The following CAMSAP2 variants were observed in gnomAD, a reference collection of about 807,000 sequenced individuals.
CAMSAP2 encodes the protein calmodulin regulated spectrin associated protein family member 2.
CAMSAP2 carries 26 observed loss-of-function variants against 146.1 expected under a neutral mutation model. That is an observed-to-expected ratio of 0.18 (90% confidence interval 0.13 to 0.25). The LOEUF is 0.25. Ranked by LOEUF, CAMSAP2 falls within the 10% of genes least tolerant of loss-of-function variation. CAMSAP2 has a pLI of 1.00. For missense variants in CAMSAP2, 1,381 were observed against 1,759.3 expected (o/e 0.78, Z 3.85); for synonymous variants, 499 against 596.6 (o/e 0.84, Z 2.38).
intron 1 of CAMSAP2, among the ~76,000 whole-genome samples, chr1:200,753,052 T>C (rs1664552688): frequency 6.6e-6 from 1 of 151,790 alleles, no homozygotes; most frequent in Non-Finnish European, 1.5e-5. Context: ...CCCAGCACTT[T>C]GGAAGATTGA....
At chr1:200,817,205 C>T (rs183749770) in intron 4 of CAMSAP2, among the ~76,000 whole-genome samples, 164 of 91,024 alleles carry the variant, frequency 1.8e-3, no homozygotes, top group South Asian at 6.3e-3. Context: ...TGTGTGTATA[C>T]ACACATACAC....
At chr1:200,801,845 A>G (rs946962948) in intron 2 of CAMSAP2, among the ~76,000 whole-genome samples, 1 of 152,168 alleles carries the variant, frequency 6.6e-6, no homozygotes, top group African/African-American at 2.4e-5. Context: ...TTTCTTTTTC[A>G]TAATCTCTTT....
At chr1:200,838,678 A>G (rs1420826019) in intron 6 of CAMSAP2, among the ~76,000 whole-genome samples, 1 of 152,234 alleles carries the variant, frequency 6.6e-6, no homozygotes, top group Admixed American at 6.5e-5. Flanking sequence ...GGACTGTACC[A>G]AGTAGCCTCT....
chr1:200,841,261 G>A (rs1328789812), intron 6 of CAMSAP2, among the ~76,000 whole-genome samples: 2 of 152,000 alleles, frequency 1.3e-5, no homozygotes, highest in Non-Finnish European at 2.9e-5. Flanking sequence ...AACTTTTTTT[G>A]TTTAAGACGG....
At chr1:200,769,315 A>G (rs1320994847) in intron 2 of CAMSAP2, among the ~76,000 whole-genome samples, 1 of 152,232 alleles carries the variant, frequency 6.6e-6, no homozygotes, top group African/African-American at 2.4e-5. Context: ...GATGAGAAAG[A>G]TAAAGGCTGT....
At chr1:200,840,606 A>G (rs1667301743) in intron 6 of CAMSAP2, among the ~76,000 whole-genome samples, 1 of 152,150 alleles carries the variant, frequency 6.6e-6, no homozygotes, top group African/African-American at 2.4e-5. Flanking sequence ...TTCCAGAACT[A>G]TCAGATGAGA....
chr1:200,811,309 A>G (rs973687289), intron 3 of CAMSAP2, among the ~76,000 whole-genome samples: 1 of 152,146 alleles, frequency 6.6e-6, no homozygotes, highest in Non-Finnish European at 1.5e-5. Flanking sequence ...ACACATGCAC[A>G]GTCCAGGGCT....
At chr1:200,758,111 A>G (rs1262641742) in intron 1 of CAMSAP2, among the ~76,000 whole-genome samples, 1 of 152,212 alleles carries the variant, frequency 6.6e-6, no homozygotes, top group Non-Finnish European at 1.5e-5. Context: ...GACAGAATGC[A>G]TGTTTAGGAC....
chr1:200,770,977 C>G (rs1665100369), intron 2 of CAMSAP2, among the ~76,000 whole-genome samples: 1 of 152,136 alleles, frequency 6.6e-6, no homozygotes, highest in Non-Finnish European at 1.5e-5. Context: ...TTACTTCTAA[C>G]CCAGTGCTTA....
intron 2 of CAMSAP2, among the ~76,000 whole-genome samples, chr1:200,772,082 T>C (rs1665132120): frequency 6.6e-6 from 1 of 152,174 alleles, no homozygotes; most frequent in South Asian, 2.1e-4. Context: ...ATCCTAGCAA[T>C]CATCTGGTCT....
At chr1:200,814,151 T>TGGGCGGGG (rs1558189042) in intron 3 of CAMSAP2, among the ~76,000 whole-genome samples, 34 of 8,958 alleles carry the variant, frequency 3.8e-3, no homozygotes, top group Admixed American at 7.2e-3. Context: ...GGTGGGCGGG[T>TGGGCGGGG]GGGGAATGAA....
intron 4 of CAMSAP2, among the ~76,000 whole-genome samples, chr1:200,825,078 G>T (rs1431654718): frequency 1.3e-5 from 2 of 152,150 alleles, no homozygotes; most frequent in African/African-American, 2.4e-5. Flanking sequence ...TCAAAGTACA[G>T]TGTTCTTAAG....
intron 2 of CAMSAP2, among the ~76,000 whole-genome samples, chr1:200,763,496 G>A (rs1392319942): frequency 6.6e-6 from 1 of 152,076 alleles, no homozygotes; most frequent in African/African-American, 2.4e-5. Context: ...CCGAGATTCC[G>A]CTACTGCACT....
rs1667421584 is a variant in CAMSAP2 at position 200,844,899 on chromosome 1, A to G, written c.1109+30A>G. On this transcript the variant is annotated intron_variant, in intron 8 of 16. Transcript: ENST00000358823. ...ACTCCACAATGACTTTATTTTCACC[A>G]TTTCTATTCTATTTACTAATTAAAT... 5.9e-6 allele frequency: 7 copies of G among 1,183,822 alleles called. No homozygotes were observed. In the East Asian group the frequency reaches 1.7e-4, roughly 29 times the overall value. 73.3% of individuals were successfully genotyped at this position (1,183,822 alleles called of 1,614,324 possible).
chr1:200,766,734 AT>A (rs1181871031), intron 2 of CAMSAP2, among the ~76,000 whole-genome samples: 1 of 152,060 alleles, frequency 6.6e-6, no homozygotes, highest in Non-Finnish European at 1.5e-5. Flanking sequence ...ACTAAATTGT[AT>A]TTTCGTCTTT....
In CAMSAP2 at chr1:200,852,564, T is replaced by C. The variant is rs1667648487; in HGVS notation, c.3489T>C (p.Asp1163=). Reference sequence around the variant, plus strand: ...AGGATGATCAAAAAGCAGAAAATGATATGGCAATGAAACGGGCAGCTTTGT... The same window carrying C: ...AGGATGATCAAAAAGCAGAAAATGACATGGCAATGAAACGGGCAGCTTTGT... ...FFKDDQKAEN[D]MAMKRAALLE... is the part of the protein sequence containing the mutation. The change falls in exon 12 of 17, where the codon GAT becomes GAC. Residue 1163 remains aspartate (D), a synonymous_variant. Transcript: ENST00000358823. The C allele has an allele frequency of 6.2e-7, 1 of 1,613,024 alleles. No individual in the cohort carries two copies. The highest frequency in any genetic ancestry group is 8.5e-7 in the Non-Finnish European group (1 of 1,179,762).
intron 7 of CAMSAP2, among the ~76,000 whole-genome samples, chr1:200,844,193 T>C (rs1667401710): frequency 1.3e-5 from 2 of 151,608 alleles, no homozygotes; most frequent in Admixed American, 1.3e-4. Flanking sequence ...TTTAAATACA[T>C]GTATTTATTT....
chr1:200,747,772 A>T (rs1664377601), intron 1 of CAMSAP2, among the ~76,000 whole-genome samples: 1 of 152,150 alleles, frequency 6.6e-6, no homozygotes, highest in East Asian at 1.9e-4. Flanking sequence ...GCACTCTGGG[A>T]GGCCGAGGCA....
intron 2 of CAMSAP2, among the ~76,000 whole-genome samples, chr1:200,797,279 T>C (rs1285840764): frequency 1.3e-5 from 2 of 150,722 alleles, no homozygotes; most frequent in Non-Finnish European, 3.0e-5. Context: ...TAGTTTACAG[T>C]CCCACCAACA....
Sources: allele counts gnomAD v4.1 joint callset (sites outside exome capture counted in the v4.1 genomes callset), GRCh38; gene constraint gnomAD v4.1.1; transcripts MANE v1.5; gene names NCBI Gene and HGNC (gene_info 2026-07-23, HGNC 2026-07-21).